Variants in ABCA6 observed in about 807,000 individuals in gnomAD.
The protein encoded by ABCA6 is ATP-binding cassette sub-family A member 6.
In ABCA6, 164 loss-of-function variants were observed where a neutral mutation model predicts 191.2. That is an observed-to-expected ratio of 0.86 (90% CI 0.76 to 0.98). The LOEUF (loss-of-function observed/expected upper bound fraction) is 0.98, where lower values mean the gene tolerates loss of function less well. Ranked by LOEUF, ABCA6 falls within the 50% of genes least tolerant of loss-of-function variation. The pLI, the probability that ABCA6 is intolerant of heterozygous loss-of-function variation, is 0.00. For missense variants in ABCA6, 1,958 were observed against 1,894.1 expected (o/e 1.03, Z -0.63); for synonymous variants, 636 against 647.7 (o/e 0.98, Z 0.27).
At chr17:69,085,560 C>T in intron 31 of ABCA6, 65 bp downstream of exon 31, 3 of 970,314 alleles carry the variant, frequency 3.1e-6, no homozygotes, top group South Asian at 1.7e-5. Flanking sequence ...TATAGTCTTA[C>T]AAAGATATAA....
At chr17:69,087,278 C>A in intron 29 of ABCA6, 75 bp downstream of exon 29, 3 of 1,558,724 alleles carry the variant, frequency 1.9e-6, no homozygotes, top group Non-Finnish European at 2.6e-6. Flanking sequence ...AAAATGAAAC[C>A]CAGTGTATCA....
intron 2 of ABCA6, among the ~76,000 whole-genome samples, chr17:69,138,916 CCTTCCTTACA>C (rs1245073472): frequency 3.9e-5 from 6 of 151,936 alleles, no homozygotes; most frequent in Non-Finnish European, 8.8e-5. Context: ...AAACTGGATC[CCTTCCTTACA>C]CCTTATACAA....
chr17:69,132,988 G>T (rs12939282), intron 6 of ABCA6, among the ~76,000 whole-genome samples: 108,161 of 152,038 alleles, frequency 0.71, 38,943 homozygotes, highest in African/African-American at 0.8. Context: ...ACGCACTCAT[G>T]ATTTCAAAAT....
chr17:69,091,087 G>A, intron 26 of ABCA6, 56 bp downstream of exon 26: 6 of 1,552,186 alleles, frequency 3.9e-6, no homozygotes, highest in Non-Finnish European at 5.2e-6. Flanking sequence ...TCTGGGAAAA[G>A]CACTTTAATA....
Position 69,137,744 on chromosome 17 carries a change from G to A in ABCA6, c.97-244C>T, listed in dbSNP as rs141637040. ...TAAATCATGAACTCCTGCAGAAGCC[G>A]TCATAGAAACTAATGGAGTGAATAA... On this transcript the variant is annotated intron_variant, in intron 2 of 38. Transcript: ENST00000284425. Among the ~76,000 whole-genome samples the A allele has an allele frequency of 3.0e-4, 46 of 152,216 alleles. No homozygotes were observed. The East Asian group carries it at 6.2e-3, about 20-fold the overall frequency.
intron 22 of ABCA6, among the ~76,000 whole-genome samples, chr17:69,100,580 A>G (rs892109215): frequency 6.6e-6 from 1 of 152,180 alleles, no homozygotes; most frequent in Non-Finnish European, 1.5e-5. Flanking sequence ...TAGAAGACTG[A>G]CAAAATATTG....
Position 69,133,767 on chromosome 17 carries a change from A to G in ABCA6, c.665T>C (p.Met222Thr), listed in dbSNP as rs1028127715. ...FITKNLLHNE[M>T]FILFFLLHFS... ...ATGAAGCAAGAAGAATAAAATAAAC[A>G]TCTCATTGTGAAGAAGATTTTTAGT... Residue 222 changes from methionine (M) to threonine (T), a missense_variant, in exon 6 of 39, where the codon ATG becomes ACG. Physicochemically the swap from Met to Thr is moderately conservative, Grantham distance 81. Transcript: ENST00000284425. 4.3e-6 allele frequency: 7 copies of G among 1,612,040 alleles called. No individual in the cohort carries two copies. In the African/African-American group the frequency reaches 8.0e-5, roughly 18 times the overall value.
chr17:69,078,903 A>G lies in ABCA6; in HGVS notation c.*70T>C. The G allele has an allele frequency of 1.2e-6, 1 of 830,512 alleles. No homozygotes were observed. The highest frequency in any genetic ancestry group is 1.8e-6 in the Non-Finnish European group (1 of 557,342). The allele number at this position is 830,512 out of a possible 1,614,324, so 51.4% of individuals were successfully genotyped here. ...AATTTTAAATGATCTTTAAAATTAA[A>G]CATACTATTAATTATTACATAAAAC... On this transcript the variant is annotated 3_prime_UTR_variant, in exon 39 of 39. Transcript: ENST00000284425.
rs1329769378 is a variant in ABCA6 at position 69,084,249 on chromosome 17, A to G, written c.4355+12T>C. The stretch of plus-strand genomic sequence containing the variant: ...GTGCATGCTCGCAGCTCTGGGGTAT[A>G]ATGATGCTCACCACATTTGCTGCTG... On this transcript the variant is annotated intron_variant, in intron 34 of 38. Coordinates refer to ENST00000284425, the MANE Select transcript of ABCA6 (RefSeq NM_080284.3). The G allele has an allele frequency of 1.9e-6, 3 of 1,613,462 alleles. No homozygotes were observed. Among genetic ancestry groups the G allele is most frequent in the East Asian group, 4.5e-5 (2 of 44,874 alleles).
In ABCA6 at chr17:69,087,450, G is replaced by A. The variant is rs904623001; in HGVS notation, c.3722C>T (p.Ala1241Val). Residue 1241 changes from alanine (A) to valine (V), a missense_variant, in exon 29 of 39, where the codon GCT becomes GTT. Coordinates refer to ENST00000284425, the MANE Select transcript of ABCA6 (RefSeq NM_080284.3). ...TATGGGTTCTTCTGGATTTGGCTTAGCATCTCTACTTTGGGGGGAAATTCT... is the reference window on the plus strand; with the variant it reads ...TATGGGTTCTTCTGGATTTGGCTTAACATCTCTACTTTGGGGGGAAATTCT... The part of the protein sequence containing the change: ...VFRISPQSRD[A>V]KPNPEEPIDE... 9 of 1,613,764 alleles carry A rather than the reference G, an allele frequency of 5.6e-6. No individual in the cohort carries two copies. Among genetic ancestry groups the A allele is most frequent in the Non-Finnish European group, 7.6e-6 (9 of 1,179,864 alleles).
Position 69,106,205 on chromosome 17 carries a change from T to A in ABCA6, c.2396A>T (p.Glu799Val). Residue 799 changes from glutamate to valine, a missense_variant, in exon 19 of 39, where the codon GAA becomes GTA. Glu to Val is a moderately radical substitution (Grantham distance 121). Coordinates refer to ENST00000284425, the MANE Select transcript of ABCA6 (RefSeq NM_080284.3). ...EGQSTIEQDFEQVEMIRDSES... is the reference protein window; with the variant it reads ...EGQSTIEQDFVQVEMIRDSES... ...TGAGTCTCTTATCATCTCCACTTGT[T>A]CGAAATCTATAAACACACACATACA... 2 of 1,611,058 alleles carry A rather than the reference T, an allele frequency of 1.2e-6. No homozygotes were observed. Among genetic ancestry groups the A allele is most frequent in the Non-Finnish European group, 1.7e-6 (2 of 1,178,908 alleles).
At position 69,084,295 on chromosome 17, in the gene ABCA6, T is replaced by C. The variant is rs374345743; in HGVS notation, c.4321A>G (p.Thr1441Ala). The change falls in exon 34 of 39, where the codon ACG becomes GCG. Residue 1441 changes from threonine (T) to alanine (A), a missense_variant. Physicochemically the swap from Thr to Ala is moderately conservative, Grantham distance 58 (BLOSUM62 0). Coordinates refer to ENST00000284425, the MANE Select transcript of ABCA6 (RefSeq NM_080284.3). ...TGCTGCCCTGTGGGGTCTATGCCCGTAGATGGTTCATCCAGGAGCAAGACA... is the reference window on the plus strand; with the variant it reads ...TGCTGCCCTGTGGGGTCTATGCCCGCAGATGGTTCATCCAGGAGCAAGACA... ...SPVLLLDEPSTGIDPTGQQQM... is the reference protein window; with the variant it reads ...SPVLLLDEPSAGIDPTGQQQM... 49 of 1,614,080 alleles carry C rather than the reference T, an allele frequency of 3.0e-5. No individual in the cohort carries two copies. Among genetic ancestry groups the C allele is most frequent in the Non-Finnish European group, 3.8e-5 (45 of 1,180,034 alleles).
At position 69,120,909 on chromosome 17, in the gene ABCA6, T is replaced by G. The variant is rs899495322; in HGVS notation, c.1436+2330A>C. 3.3e-5 allele frequency among the ~76,000 whole-genome samples: 5 copies of G among 152,006 alleles called. No homozygotes were observed. The East Asian group carries it at 9.7e-4, about 29-fold the overall frequency. On this transcript the variant is annotated intron_variant, in intron 10 of 38. Coordinates refer to ENST00000284425, the MANE Select transcript of ABCA6 (RefSeq NM_080284.3). Reference sequence around the variant, plus strand: ...AGTTGTGAATAAAAAATGTATATTTTTACAAACCCAGAATCATGATTCTGG... The same window carrying G: ...AGTTGTGAATAAAAAATGTATATTTGTACAAACCCAGAATCATGATTCTGG...
chr17:69,134,297 G>T (rs1454489012), intron 5 of ABCA6, among the ~76,000 whole-genome samples: 1 of 152,070 alleles, frequency 6.6e-6, no homozygotes, highest in Non-Finnish European at 1.5e-5. Flanking sequence ...GGTAGTGGTT[G>T]GGTCATGAGG....
chr17:69,086,827 C>A (rs2072807042), intron 29 of ABCA6, 92 bp from the exon 30 acceptor site: 2 of 746,052 alleles, frequency 2.7e-6, no homozygotes, highest in African/African-American at 3.6e-5. Flanking sequence ...TAAGCCAAAC[C>A]ATATTTTGAG....
chr17:69,125,393 T>TA (rs1205373639), intron 8 of ABCA6, among the ~76,000 whole-genome samples: 1 of 152,004 alleles, frequency 6.6e-6, no homozygotes, highest in Non-Finnish European at 1.5e-5. Context: ...TTTAATTAGA[T>TA]AAAAAGAGAA....
At chr17:69,093,596 G>A (rs916064313) in intron 25 of ABCA6, among the ~76,000 whole-genome samples, 29 of 152,214 alleles carry the variant, frequency 1.9e-4, no homozygotes, top group South Asian at 4.1e-4. Context: ...AAAGTTGCTC[G>A]CTTTCTTTGT....
intron 28 of ABCA6, 83 bp downstream of exon 28, chr17:69,088,084 C>T: frequency 8.5e-7 from 1 of 1,179,272 alleles, no homozygotes. Context: ...AAATGTAAAT[C>T]TGTATTAACA....
intron 25 of ABCA6, among the ~76,000 whole-genome samples, chr17:69,091,495 G>C (rs1025766697): frequency 1.2e-4 from 18 of 152,092 alleles, no homozygotes; most frequent in Non-Finnish European, 4.4e-5. Flanking sequence ...GGCGACTAAG[G>C]TGAAAGCTAA....
Sources: allele counts gnomAD v4.1 joint callset (sites outside exome capture counted in the v4.1 genomes callset), GRCh38; gene constraint gnomAD v4.1.1; transcripts MANE v1.5; gene names NCBI Gene and HGNC (gene_info 2026-07-23, HGNC 2026-07-21).